The following TNFRSF10C variants were observed in gnomAD, a reference collection of about 807,000 sequenced individuals.
The protein encoded by TNFRSF10C is TNF receptor superfamily member 10c.
In TNFRSF10C, 17 loss-of-function variants were observed where a neutral mutation model predicts 16.7. The observed-to-expected ratio is 1.02, with a 90% CI of 0.70 to 1.53. The LOEUF (loss-of-function observed/expected upper bound fraction) is 1.53, where lower values mean the gene tolerates loss of function less well. Ranked by LOEUF, TNFRSF10C falls within the 40% of genes most tolerant of loss-of-function variation. The pLI is 0.00. For synonymous variants in TNFRSF10C, 73 were observed against 119.7 expected (o/e 0.61, Z 2.55); for missense variants, 237 against 329.7 (o/e 0.72, Z 2.18).
At position 23,117,104 on chromosome 8, in the gene TNFRSF10C, G is replaced by A. The variant is rs937469116; in HGVS notation, c.*73G>A. ...TAGGCGCTGGCTGAGGGCGGGGGGC[G>A]CTGGACACTCTCTGCCCTGCCTCCC... On this transcript the variant is annotated 3_prime_UTR_variant, in exon 5 of 5. Coordinates refer to ENST00000356864, the MANE Select transcript of TNFRSF10C (RefSeq NM_003841.5). 2.1e-5 allele frequency: 33 copies of A among 1,564,318 alleles called. No homozygotes were observed. The highest frequency in any genetic ancestry group is 4.1e-5 in the African/African-American group (3 of 74,018).
At chr8:23,115,420 T>G in intron 3 of TNFRSF10C, 88 bp from the exon 4 acceptor site, 21 of 1,136,370 alleles carry the variant, frequency 1.8e-5, no homozygotes, top group South Asian at 2.9e-5. Flanking sequence ...TGAACTTGGT[T>G]GAGCTGAGTG....
In TNFRSF10C at chr8:23,107,730, TCTA is replaced by T. The variant is rs543655241; in HGVS notation, c.61-3989_61-3987del. Among the ~76,000 whole-genome samples, 258 of 152,320 alleles carry T rather than the reference TCTA, an allele frequency of 1.7e-3. 1 individual carries two copies. The highest frequency in any genetic ancestry group is 5.9e-3 in the African/African-American group (245 of 41,580). On this transcript the variant is annotated intron_variant, in intron 1 of 4. Coordinates refer to ENST00000356864, the MANE Select transcript of TNFRSF10C (RefSeq NM_003841.5). ...ATAGCTTAAATGGTAAACTTACAGG[TCTA>T]TTTCAACTATATCAATTATTGCACT...
At position 23,116,598 on chromosome 8, in the gene TNFRSF10C, C is replaced by G. The variant is rs753364935; in HGVS notation, c.390-43C>G. 7 of 1,585,600 alleles carry G rather than the reference C, an allele frequency of 4.4e-6. No individual in the cohort carries two copies. In the African/African-American group the frequency reaches 8.1e-5, roughly 18 times the overall value. On this transcript the variant is annotated intron_variant, in intron 4 of 4. Transcript: ENST00000356864. ...CTCCCCTTTTATCCCACCTGGCTAG[C>G]TTTCCCTCAGGAGTCCTCACCTCCC...
At chr8:23,108,797 G>T (rs76666473) in intron 1 of TNFRSF10C, among the ~76,000 whole-genome samples, 1 of 152,272 alleles carries the variant, frequency 6.6e-6, no homozygotes, top group Admixed American at 6.5e-5. Flanking sequence ...TAAAGAGCAG[G>T]AGTGGAACAT....
At chr8:23,108,855 T>C (rs2128830433) in intron 1 of TNFRSF10C, among the ~76,000 whole-genome samples, 1 of 152,332 alleles carries the variant, frequency 6.6e-6, no homozygotes, top group South Asian at 2.1e-4. Context: ...TTCACCAAGA[T>C]AGACCAGGTT....
chr8:23,106,576 C>A (rs1813780533), intron 1 of TNFRSF10C, among the ~76,000 whole-genome samples: 1 of 151,852 alleles, frequency 6.6e-6, no homozygotes, highest in Non-Finnish European at 1.5e-5. Context: ...CTGAATTAGA[C>A]CAAGTAACTC....
chr8:23,111,906 T>C lies in TNFRSF10C; in HGVS notation c.166+81T>C. 6 of 1,356,872 alleles carry C rather than the reference T, an allele frequency of 4.4e-6. No individual in the cohort carries two copies. The South Asian group carries it at 7.6e-5, about 17-fold the overall frequency. The allele number at this position is 1,356,872 out of a possible 1,614,324, so 84.1% of individuals were successfully genotyped here. A position where few individuals can be genotyped will look rare whatever the true frequency, so the allele number is the denominator to read the frequency against. ...TGTATTTATGATGTACACCATGATG[T>C]TTTGAAATATGTACGCATTGTGGAA... On this transcript the variant is annotated intron_variant, in intron 2 of 4. Coordinates refer to ENST00000356864, the MANE Select transcript of TNFRSF10C (RefSeq NM_003841.5).
chr8:23,103,981 A>G (rs1025428696), intron 1 of TNFRSF10C, among the ~76,000 whole-genome samples: 11 of 152,288 alleles, frequency 7.2e-5, no homozygotes, highest in Non-Finnish European at 1.6e-4. Context: ...GCAAGGTTAC[A>G]GAAACCATGA....
chr8:23,111,690 C>T, intron 1 of TNFRSF10C, 30 bp from the exon 2 acceptor site: 1 of 1,583,106 alleles, frequency 6.3e-7, no homozygotes, highest in Non-Finnish European at 8.7e-7. Flanking sequence ...CTGGAAGTCA[C>T]TCACACCCAT....
intron 1 of TNFRSF10C, among the ~76,000 whole-genome samples, chr8:23,106,257 T>A (rs1354132418): frequency 1.3e-5 from 2 of 152,026 alleles, no homozygotes; most frequent in Non-Finnish European, 2.9e-5. Context: ...AGGCCTGAGA[T>A]CTCACTACCC....
At position 23,103,085 on chromosome 8, in the gene TNFRSF10C, G is replaced by A. The variant is rs1435123871; in HGVS notation, c.-37G>A. 1.2e-6 allele frequency: 2 copies of A among 1,601,328 alleles called. No homozygotes were observed. The highest frequency in any genetic ancestry group is 2.3e-5 in the South Asian group (2 of 88,622). Reference sequence around the variant, plus strand: ...GGCCGCCTGATGGCCGAGGCAGGGTGCGACCCAGGACCCAGGACGGCGTCG... The same window carrying A: ...GGCCGCCTGATGGCCGAGGCAGGGTACGACCCAGGACCCAGGACGGCGTCG... On this transcript the variant is annotated 5_prime_UTR_variant, in exon 1 of 5. Transcript: ENST00000356864.
chr8:23,113,251 T>C lies in TNFRSF10C; in HGVS notation c.167-1406T>C, dbSNP rs577728452. Reference sequence around the variant, plus strand: ...ATTGACCCTCATTCTGTAGGTTGTCTCTTCACTCTGTTCATTGTTTCCTTT... The same window carrying C: ...ATTGACCCTCATTCTGTAGGTTGTCCCTTCACTCTGTTCATTGTTTCCTTT... On this transcript the variant is annotated intron_variant, in intron 2 of 4. Transcript: ENST00000356864. 5.3e-5 allele frequency among the ~76,000 whole-genome samples: 8 copies of C among 152,362 alleles called. No homozygotes were observed. In the South Asian group the frequency reaches 8.3e-4, roughly 16 times the overall value.
chr8:23,112,629 T>C (rs1471246673), intron 2 of TNFRSF10C, among the ~76,000 whole-genome samples: 5 of 152,250 alleles, frequency 3.3e-5, no homozygotes, highest in Non-Finnish European at 1.5e-5. Flanking sequence ...TCATCCATGC[T>C]GACACAAATG....
At chr8:23,110,546 C>T (rs1813861885) in intron 1 of TNFRSF10C, among the ~76,000 whole-genome samples, 4 of 152,208 alleles carry the variant, frequency 2.6e-5, no homozygotes, top group African/African-American at 9.6e-5. Flanking sequence ...AACATCAACA[C>T]ATTACCACTA....
chr8:23,110,833 A>T (rs1484061243), intron 1 of TNFRSF10C, among the ~76,000 whole-genome samples: 2 of 152,100 alleles, frequency 1.3e-5, no homozygotes, highest in African/African-American at 4.8e-5. Context: ...TGTGTGTGTG[A>T]GTGAGAGACA....
chr8:23,110,136 A>G (rs1813852858), intron 1 of TNFRSF10C, among the ~76,000 whole-genome samples: 2 of 150,932 alleles, frequency 1.3e-5, no homozygotes. Context: ...ATTTTAAAAA[A>G]CACTAATAAA....
At chr8:23,112,128 T>A (rs1270543676) in intron 2 of TNFRSF10C, among the ~76,000 whole-genome samples, 1 of 152,098 alleles carries the variant, frequency 6.6e-6, no homozygotes, top group African/African-American at 2.4e-5. Context: ...AGATCAAAAA[T>A]ATGCGGAAGA....
rs1813999938 is a variant in TNFRSF10C at position 23,116,925 on chromosome 8, A to G, written c.674A>G (p.Glu225Gly). Residue 225 changes from glutamate (E) to glycine (G), a missense_variant, in exon 5 of 5, where the codon GAA (glutamate) becomes GGA (glycine). Physicochemically the swap from Glu to Gly is moderately conservative, Grantham distance 98 (BLOSUM62 -2). Transcript: ENST00000356864. Reference protein sequence around the residue: ...TSPGTPAPAAEETMITSPGTP... With the variant: ...TSPGTPAPAAGETMITSPGTP... ...CCGGGGACTCCTGCCCCAGCTGCTG[A>G]AGAGACAATGATCACCAGCCCGGGG... The G allele has an allele frequency of 6.2e-7, 1 of 1,601,850 alleles. No individual in the cohort carries two copies. Among genetic ancestry groups the G allele is most frequent in the Non-Finnish European group, 8.5e-7 (1 of 1,175,628 alleles).
At chr8:23,107,106 G>C (rs1269556218) in intron 1 of TNFRSF10C, among the ~76,000 whole-genome samples, 1 of 152,092 alleles carries the variant, frequency 6.6e-6, no homozygotes, top group East Asian at 1.9e-4. Flanking sequence ...CTGTAGTCCT[G>C]CCAAGACAGG....
Sources: gnomAD v4.1 joint callset for allele counts (sites outside exome capture counted in the v4.1 genomes callset) on GRCh38, gnomAD v4.1.1 for gene constraint, MANE v1.5 for transcripts, NCBI Gene and HGNC (gene_info 2026-07-23, HGNC 2026-07-21) for gene names.